Variants in CYYR1 observed in about 807,000 individuals in gnomAD.
CYYR1 encodes the protein cysteine and tyrosine rich 1.
CYYR1 carries 14 observed loss-of-function variants against 15.2 expected under a neutral mutation model. The observed-to-expected ratio is 0.92, with a 90% CI of 0.61 to 1.44. The LOEUF (loss-of-function observed/expected upper bound fraction) is 1.44. CYYR1 is among the 40% of genes most tolerant of loss of function. The pLI is 0.00. For synonymous variants in CYYR1, 80 were observed against 77.4 expected (o/e 1.03, Z -0.18); for missense variants, 228 against 209.5 (o/e 1.09, Z -0.54).
At chr21:26,560,734 C>T (rs1601832795) in intron 2 of CYYR1, among the ~76,000 whole-genome samples, 1 of 152,140 alleles carries the variant, frequency 6.6e-6, no homozygotes, top group Non-Finnish European at 1.5e-5. Context: ...GGAATAAAAG[C>T]TCCTCGTCTC....
intron 2 of CYYR1, among the ~76,000 whole-genome samples, chr21:26,548,194 A>G (rs576833358): frequency 1.1e-4 from 16 of 152,326 alleles, no homozygotes; most frequent in African/African-American, 3.8e-4. Context: ...GAATATATTT[A>G]CCATGGTAAT....
intron 2 of CYYR1, among the ~76,000 whole-genome samples, chr21:26,563,706 T>C (rs994415609): frequency 1.3e-5 from 2 of 152,162 alleles, no homozygotes; most frequent in African/African-American, 4.8e-5. Context: ...GCAAAGGCAA[T>C]TGAAGTTAGC....
At position 26,539,571 on chromosome 21, in the gene CYYR1, C is replaced by G. The variant is rs143580240; in HGVS notation, c.176+26695G>C. ...TAGTTTTCATTCCCATTTTTGCACACCTGCCTTTAAAGCAGCAATTGTCTC... is the reference window on the plus strand; with the variant it reads ...TAGTTTTCATTCCCATTTTTGCACAGCTGCCTTTAAAGCAGCAATTGTCTC... On this transcript the variant is annotated intron_variant, in intron 2 of 3. Transcript: ENST00000652641. Among the ~76,000 whole-genome samples the G allele has an allele frequency of 7.5e-4, 114 of 152,272 alleles. 1 individual carries two copies. The highest frequency in any genetic ancestry group is 2.6e-3 in the African/African-American group (110 of 41,570).
chr21:26,527,188 A>G (rs553770703), intron 2 of CYYR1, among the ~76,000 whole-genome samples: 2 of 152,336 alleles, frequency 1.3e-5, no homozygotes, highest in East Asian at 3.9e-4. Context: ...TTAGAGCTAC[A>G]GTAAAGGCCA....
chr21:26,488,717 A>T (rs189626861), intron 2 of CYYR1, among the ~76,000 whole-genome samples: 11 of 152,232 alleles, frequency 7.2e-5, no homozygotes, highest in African/African-American at 2.4e-4. Flanking sequence ...TTTCTGTCTT[A>T]CCTTCCTTTC....
chr21:26,561,933 T>G (rs1050256044), intron 2 of CYYR1, among the ~76,000 whole-genome samples: 3 of 152,170 alleles, frequency 2.0e-5, no homozygotes, highest in Non-Finnish European at 2.9e-5. Flanking sequence ...TCTATTCCCT[T>G]AAATTCTACC....
intron 2 of CYYR1, among the ~76,000 whole-genome samples, chr21:26,512,840 T>A (rs918680500): frequency 1.3e-5 from 2 of 152,118 alleles, no homozygotes; most frequent in African/African-American, 4.8e-5. Context: ...CAACCCCTAA[T>A]GCATATGAAT....
At chr21:26,548,991 C>T (rs776915011) in intron 2 of CYYR1, among the ~76,000 whole-genome samples, 20 of 151,936 alleles carry the variant, frequency 1.3e-4, no homozygotes, top group Admixed American at 1.3e-4. Context: ...TGTTTTTGTT[C>T]CTTGTGTGCA....
intron 2 of CYYR1, among the ~76,000 whole-genome samples, chr21:26,540,606 G>T (rs561044551): frequency 6.6e-6 from 1 of 151,948 alleles, no homozygotes; most frequent in Non-Finnish European, 1.5e-5. Flanking sequence ...AAAAAGAACC[G>T]AACAAAGATT....
At chr21:26,498,701 G>C (rs1391650983) in intron 2 of CYYR1, among the ~76,000 whole-genome samples, 1 of 152,142 alleles carries the variant, frequency 6.6e-6, no homozygotes, top group Non-Finnish European at 1.5e-5. Flanking sequence ...AAAGCAAAGG[G>C]GTTTAATTGA....
chr21:26,552,799 CAT>C (rs1204884409), intron 2 of CYYR1, among the ~76,000 whole-genome samples: 1 of 152,110 alleles, frequency 6.6e-6, no homozygotes, highest in African/African-American at 2.4e-5. Flanking sequence ...CTGTGCTAGT[CAT>C]GTTAAATATT....
At chr21:26,479,769 A>G (rs1601729938) in intron 3 of CYYR1, among the ~76,000 whole-genome samples, 1 of 152,000 alleles carries the variant, frequency 6.6e-6, no homozygotes, top group Non-Finnish European at 1.5e-5. Context: ...ACCTCGGCCT[A>G]CCAAAATGTT....
chr21:26,556,261 T>C (rs1979769484), intron 2 of CYYR1, among the ~76,000 whole-genome samples: 1 of 152,184 alleles, frequency 6.6e-6, no homozygotes, highest in African/African-American at 2.4e-5. Context: ...ACCCACAAAA[T>C]GTCAGATTTT....
At chr21:26,522,679 C>T (rs1394898184) in intron 2 of CYYR1, among the ~76,000 whole-genome samples, 1 of 152,164 alleles carries the variant, frequency 6.6e-6, no homozygotes, top group Non-Finnish European at 1.5e-5. Context: ...AGATAAAACA[C>T]CACGTTCCTG....
intron 2 of CYYR1, among the ~76,000 whole-genome samples, chr21:26,509,289 G>GAT (rs1287365362): frequency 6.6e-6 from 1 of 152,126 alleles, no homozygotes; most frequent in African/African-American, 2.4e-5. Context: ...ATTTCTTGCA[G>GAT]ATATCTGTAT....
intron 2 of CYYR1, among the ~76,000 whole-genome samples, chr21:26,560,736 C>G (rs2123714028): frequency 6.6e-6 from 1 of 152,244 alleles, no homozygotes; most frequent in African/African-American, 2.4e-5. Context: ...AATAAAAGCT[C>G]CTCGTCTCTG....
intron 2 of CYYR1, among the ~76,000 whole-genome samples, chr21:26,497,290 A>T (rs1014474614): frequency 1.3e-5 from 2 of 152,182 alleles, no homozygotes; most frequent in African/African-American, 4.8e-5. Context: ...ATAGTTTTGG[A>T]TTATGCCAAT....
intron 2 of CYYR1, among the ~76,000 whole-genome samples, chr21:26,543,493 G>A (rs1403180712): frequency 2.0e-5 from 3 of 152,178 alleles, no homozygotes; most frequent in African/African-American, 7.2e-5. Flanking sequence ...CACATGTCAG[G>A]GGCCTGTGCT....
chr21:26,514,028 C>T (rs968816353), intron 2 of CYYR1, among the ~76,000 whole-genome samples: 2 of 150,454 alleles, frequency 1.3e-5, no homozygotes, highest in East Asian at 2.0e-4. Flanking sequence ...CAAACCTGCA[C>T]GTTGTGCACA....
Sources: gnomAD v4.1 joint callset for allele counts (sites outside exome capture counted in the v4.1 genomes callset) on GRCh38, gnomAD v4.1.1 for gene constraint, MANE v1.5 for transcripts, NCBI Gene and HGNC (gene_info 2026-07-23, HGNC 2026-07-21) for gene names.